The following MYBPC2 variants were observed in gnomAD, a reference collection of about 807,000 sequenced individuals.
MYBPC2 encodes myosin binding protein C2.
Under a neutral mutation model 137.0 loss-of-function variants are expected in MYBPC2, and 122 were observed. The observed-to-expected ratio is 0.89, with a 90% CI of 0.77 to 1.03. The LOEUF (loss-of-function observed/expected upper bound fraction) is 1.03, where lower values mean the gene tolerates loss of function less well. Among genes scored for constraint, MYBPC2 ranks in the 50% least tolerant of loss-of-function variants. The pLI is 0.00. For missense variants in MYBPC2, 1,500 were observed against 1,534.4 expected, an observed-to-expected ratio of 0.98 and a Z score of 0.37; for synonymous variants, 626 against 612.3, an observed-to-expected ratio of 1.02 and a Z score of -0.33.
Position 50,435,216 on chromosome 19 carries a change from TC to T in MYBPC2, c.80del (p.Pro27LeufsTer29). 4 of 1,336,030 alleles carry T rather than the reference TC, an allele frequency of 3.0e-6. No homozygotes were observed. The highest frequency in any genetic ancestry group is 4.3e-6 in the Non-Finnish European group (4 of 934,366). 82.8% of individuals were successfully genotyped at this position (1,336,030 alleles called of 1,614,324 possible). Reference sequence around the variant, plus strand: ...CCCCCAAAGGAGCCCCCAAGGAGGCTCCCCCTAAGGAGGCTCCTGCAGAGGC... The same window carrying T: ...CCCCCAAAGGAGCCCCCAAGGAGGCTCCCCTAAGGAGGCTCCTGCAGAGGC... Reference protein sequence around the residue: ...DAPKGAPKEAPPKEAPAEAPK... With the variant: ...DAPKGAPKEAXPKEAPAEAPK... On this transcript the variant is annotated frameshift_variant, in exon 2 of 28. Transcript: ENST00000357701. LOFTEE classifies it high-confidence loss of function. This position sits in a 1 kb window ranked among gnomAD's most constrained non-coding sequence, Gnocchi z 4.8.
rs1161957513 is a variant in MYBPC2, at chr19:50,461,534, C to CAT, written c.2932-7_2932-6insTA. 6.2e-7 allele frequency: 1 copy of CAT among 1,612,410 alleles called. No homozygotes were observed. The highest frequency in any genetic ancestry group is 8.5e-7 in the Non-Finnish European group (1 of 1,179,180). On this transcript the variant is annotated splice_polypyrimidine_tract_variant and splice_region_variant and intron_variant, in intron 24 of 27. Transcript: ENST00000357701. ...GACCCGCCTGGTCCCTCCCTGTCCC[C>CAT]ACACTAGGAGTGGTTCAACGTCTAT...
At chr19:50,447,215 T>C (rs1050059358) in intron 12 of MYBPC2, among the ~76,000 whole-genome samples, 7 of 152,088 alleles carry the variant, frequency 4.6e-5, no homozygotes, top group Non-Finnish European at 7.3e-5. Flanking sequence ...TGAGTAACAG[T>C]ACTGGGTCCA....
intron 9 of MYBPC2, among the ~76,000 whole-genome samples, chr19:50,443,183 G>A (rs1194883872): frequency 1.3e-5 from 2 of 152,124 alleles, no homozygotes; most frequent in African/African-American, 4.8e-5. Context: ...AATTAGCTGG[G>A]TATGGTGGTG....
At chr19:50,441,575 C>T (rs1447796780) in intron 8 of MYBPC2, among the ~76,000 whole-genome samples, 3 of 152,170 alleles carry the variant, frequency 2.0e-5, no homozygotes, top group Admixed American at 1.3e-4. Flanking sequence ...TGCAGTGGCT[C>T]ACGCCTGTAA....
At chr19:50,433,755 C>T (rs890396585) in intron 1 of MYBPC2, among the ~76,000 whole-genome samples, 2 of 151,800 alleles carry the variant, frequency 1.3e-5, no homozygotes, top group African/African-American at 4.8e-5. Flanking sequence ...ATCCTCTGGG[C>T]AGGGTCTGGG....
At chr19:50,446,099 C>G (rs1158514722) in intron 12 of MYBPC2, 47 bp downstream of exon 12, 2 of 1,580,496 alleles carry the variant, frequency 1.3e-6, no homozygotes, top group Non-Finnish European at 1.7e-6. Context: ...GCATGCTTCT[C>G]CACACAGCTT....
rs1228664629 is a variant in MYBPC2 at position 50,464,366 on chromosome 19, G to A, written c.3249G>A (p.Lys1083=). 3.1e-6 allele frequency: 5 copies of A among 1,608,616 alleles called. No individual in the cohort carries two copies. Among genetic ancestry groups the A allele is most frequent in the Admixed American group, 3.4e-5 (2 of 59,238 alleles). Reference sequence around the variant, plus strand: ...AACAGCCGAAGGTGGTCTGGATGAAGAACAAGATGGAAATCCGTGAAGATC... The same window carrying A: ...AACAGCCGAAGGTGGTCTGGATGAAAAACAAGATGGAAATCCGTGAAGATC... ...GHPKPKVVWM[K]NKMEIREDPK... The change falls in exon 27 of 28, where the codon AAG becomes AAA. Residue 1083 remains lysine (K), a synonymous_variant. Coordinates refer to ENST00000357701, the MANE Select transcript of MYBPC2 (RefSeq NM_004533.4).
intron 24 of MYBPC2, among the ~76,000 whole-genome samples, chr19:50,460,483 C>T (rs1451422161): frequency 2.0e-5 from 3 of 152,176 alleles, no homozygotes; most frequent in Non-Finnish European, 4.4e-5. Flanking sequence ...TTTCATCCCC[C>T]AGAGGAAGCC....
Position 50,461,978 on chromosome 19 carries a change from G to T in MYBPC2, c.3170G>T (p.Arg1057Leu). The T allele has an allele frequency of 6.3e-7, 1 of 1,579,456 alleles. No individual in the cohort carries two copies. Among genetic ancestry groups the T allele is most frequent in the Non-Finnish European group, 8.6e-7 (1 of 1,162,280 alleles). ...APKFLTPLIDRVVVAGYSAAL... is the reference protein window; with the variant it reads ...APKFLTPLIDLVVVAGYSAAL... ...AAGTTCCTGACACCTCTCATAGACC[G>T]CGTGGTCGTGGCTGGGTACTCGGCA... Residue 1057 changes from arginine (R) to leucine (L), a missense_variant, in exon 26 of 28, where the codon CGC (arginine) becomes CTC (leucine). Physicochemically the swap from Arg to Leu is moderately radical, Grantham distance 102 (BLOSUM62 -2). Transcript: ENST00000357701.
intron 16 of MYBPC2, among the ~76,000 whole-genome samples, chr19:50,453,315 T>C (rs1297411696): frequency 1.3e-5 from 2 of 152,032 alleles, no homozygotes; most frequent in African/African-American, 4.8e-5. Flanking sequence ...TCCAGGGTGC[T>C]CTGGCTGAGA....
chr19:50,451,965 G>A lies in MYBPC2; in HGVS notation c.1711G>A (p.Glu571Lys). The change falls in exon 16 of 28, where the codon GAG becomes AAG. Residue 571 changes from glutamate (E) to lysine (K), a missense_variant. Physicochemically the swap from Glu to Lys is moderately conservative, Grantham distance 56. Coordinates refer to ENST00000357701, the MANE Select transcript of MYBPC2 (RefSeq NM_004533.4). Reference sequence around the variant, plus strand: ...GAGGCTTGACGTGTCCATCACAGGGGAGCCCCCTCCCGTCGCTACCTGGCT... The same window carrying A: ...GAGGCTTGACGTGTCCATCACAGGGAAGCCCCCTCCCGTCGCTACCTGGCT... ...KLRLDVSITG[E>K]PPPVATWLKG... 1 of 1,556,744 alleles carries A rather than the reference G, an allele frequency of 6.4e-7. No individual in the cohort carries two copies. Among genetic ancestry groups the A allele is most frequent in the Non-Finnish European group, 8.7e-7 (1 of 1,149,674 alleles).
chr19:50,462,097 T>C, intron 26 of MYBPC2, 61 bp downstream of exon 26: 2 of 1,510,674 alleles, frequency 1.3e-6, no homozygotes, highest in Non-Finnish European at 1.8e-6. Context: ...TTCCATACAA[T>C]GAAGCCCACT....
intron 8 of MYBPC2, 34 bp from the exon 9 acceptor site, chr19:50,442,147 C>G: frequency 6.4e-7 from 1 of 1,563,182 alleles, no homozygotes; most frequent in Non-Finnish European, 8.7e-7. Flanking sequence ...GAGGACCACA[C>G]GCCTCCATCC....
At chr19:50,451,378 T>C in intron 15 of MYBPC2, 69 bp downstream of exon 15, 1 of 1,259,406 alleles carries the variant, frequency 7.9e-7, no homozygotes, top group South Asian at 1.2e-5. Context: ...AGGAGGGGAA[T>C]GGCCGAGGGA....
In MYBPC2 at chr19:50,435,356, C is replaced by A. The variant is rs957974811; in HGVS notation, c.109+106C>A. ...CAGCCTCTATCCTTGAATCTGTCCCCGCACAGCCCCAGGGCTGACCCACGC... is the reference window on the plus strand; with the variant it reads ...CAGCCTCTATCCTTGAATCTGTCCCAGCACAGCCCCAGGGCTGACCCACGC... On this transcript the variant is annotated intron_variant, in intron 2 of 27. Coordinates refer to ENST00000357701, the MANE Select transcript of MYBPC2 (RefSeq NM_004533.4). The surrounding 1 kb of genome is among the most constrained non-coding windows in gnomAD (Gnocchi z 4.8). 3 of 685,068 alleles carry A rather than the reference C, an allele frequency of 4.4e-6. No individual in the cohort carries two copies. The African/African-American group carries it at 5.5e-5, about 12-fold the overall frequency. The allele number at this position is 685,068 out of a possible 1,614,324, so 42.4% of individuals were successfully genotyped here.
chr19:50,443,596 T>G lies in MYBPC2; in HGVS notation c.1005T>G (p.Cys335Trp), dbSNP rs200354060. 6.2e-7 allele frequency: 1 copy of G among 1,613,434 alleles called. No homozygotes were observed. ...AAGTAGCTGTCAAGGATGAGAAGTGTTTCACCGAGCTCTTCGTCAAAGGTG... is the reference window on the plus strand; with the variant it reads ...AAGTAGCTGTCAAGGATGAGAAGTGGTTCACCGAGCTCTTCGTCAAAGGTG... ...AYEVAVKDEK[C>W]FTELFVKEPP... The change falls in exon 10 of 28, where the codon TGT (cysteine) becomes TGG (tryptophan). Residue 335 changes from cysteine (C) to tryptophan (W), a missense_variant. Physicochemically the swap from Cys to Trp is radical, Grantham distance 215 (BLOSUM62 -2). Coordinates refer to ENST00000357701, the MANE Select transcript of MYBPC2 (RefSeq NM_004533.4).
chr19:50,449,506 T>C (rs1387258875), intron 13 of MYBPC2, among the ~76,000 whole-genome samples: 1 of 152,210 alleles, frequency 6.6e-6, no homozygotes, highest in Non-Finnish European at 1.5e-5. Flanking sequence ...CGCCATAGTC[T>C]GTTGGGCAAG....
intron 20 of MYBPC2, among the ~76,000 whole-genome samples, chr19:50,456,169 CTATCCATCCATCCATCCATCCATT>C (rs2039909755): frequency 6.7e-6 from 1 of 149,024 alleles, no homozygotes; most frequent in Non-Finnish European, 1.5e-5. Context: ...ATATTTCCAT[CTATCCATCCATCCATCCATCCATT>C]TATCCATCCA....
At chr19:50,433,945 C>T (rs1362611397) in intron 1 of MYBPC2, among the ~76,000 whole-genome samples, 3 of 151,996 alleles carry the variant, frequency 2.0e-5, no homozygotes, top group African/African-American at 7.3e-5. Context: ...TGTGGTGGTG[C>T]ATGCCTGTAG....
Sources: gnomAD v4.1 joint callset for allele counts (sites outside exome capture counted in the v4.1 genomes callset) on GRCh38, gnomAD v4.1.1 for gene constraint, Gnocchi (gnomAD v3.1) non-coding constraint, MANE v1.5 for transcripts, NCBI Gene and HGNC (gene_info 2026-07-23, HGNC 2026-07-21) for gene names.